The following SLC38A12 variants were observed in gnomAD, a reference collection of about 807,000 sequenced individuals.
The protein encoded by SLC38A12 is solute carrier family 38 member 12.
chr17:74,814,016 G>A, the SLC38A12 span, among the ~76,000 whole-genome samples: 1 of 152,168 alleles, frequency 6.6e-6, no homozygotes, highest in Non-Finnish European at 1.5e-5. Context: ...TTGGTGGGTG[G>A]CGGTGGGTGA....
At chr17:74,806,372 C>T in the SLC38A12 span, among the ~76,000 whole-genome samples, 3 of 152,172 alleles carry the variant, frequency 2.0e-5, no homozygotes, top group Non-Finnish European at 4.4e-5. Flanking sequence ...CAGGCACAGC[C>T]GTCGGGGAGA....
At chr17:74,799,287 G>A in the SLC38A12 span, among the ~76,000 whole-genome samples, 1 of 152,258 alleles carries the variant, frequency 6.6e-6, no homozygotes, top group Non-Finnish European at 1.5e-5. Context: ...TGGCCCGGCA[G>A]GCCCCGGCCG....
the SLC38A12 span, among the ~76,000 whole-genome samples, chr17:74,829,963 C>T: frequency 5.3e-5 from 8 of 152,198 alleles, no homozygotes; most frequent in African/African-American, 1.7e-4. The surrounding 1 kb of genome is among the most constrained non-coding windows in gnomAD (Gnocchi z 4.1). Context: ...GTACCTGCAG[C>T]TCAGCCAGCC....
At chr17:74,792,912 C>T in the SLC38A12 span, among the ~76,000 whole-genome samples, 1 of 152,234 alleles carries the variant, frequency 6.6e-6, no homozygotes, top group Non-Finnish European at 1.5e-5. Context: ...TAAGCGTTTC[C>T]TCCTGGCAGC....
chr17:74,807,611 G>A, the SLC38A12 span, among the ~76,000 whole-genome samples: 3 of 152,310 alleles, frequency 2.0e-5, no homozygotes, highest in East Asian at 1.9e-4. Context: ...CTTCCCCTCC[G>A]CAAGTGCCAG....
chr17:74,777,944 G>A, the SLC38A12 span, among the ~76,000 whole-genome samples: 6 of 152,286 alleles, frequency 3.9e-5, no homozygotes, highest in South Asian at 1.2e-3. Context: ...TCATCTCCAG[G>A]CTACCACACT....
the SLC38A12 span, among the ~76,000 whole-genome samples, chr17:74,794,670 A>C: frequency 6.6e-6 from 1 of 151,678 alleles, no homozygotes; most frequent in African/African-American, 2.4e-5. Flanking sequence ...CAGGCTCCTG[A>C]CTCGGGACAT....
the SLC38A12 span, among the ~76,000 whole-genome samples, chr17:74,829,092 G>T: frequency 1.3e-5 from 2 of 152,176 alleles, no homozygotes; most frequent in Non-Finnish European, 2.9e-5. This position sits in a 1 kb window ranked among gnomAD's most constrained non-coding sequence, Gnocchi z 4.1. Context: ...AAAATGACAA[G>T]TGGGATACTT....
chr17:74,805,597 C>T, the SLC38A12 span, among the ~76,000 whole-genome samples: 1 of 152,208 alleles, frequency 6.6e-6, no homozygotes, highest in African/African-American at 2.4e-5. The surrounding 1 kb of genome is among the most constrained non-coding windows in gnomAD (Gnocchi z 5.0). Flanking sequence ...GCTTGATATG[C>T]CATCTCCCCT....
At chr17:74,838,187 T>C in the SLC38A12 span, 3 of 985,484 alleles carry the variant, frequency 3.0e-6, no homozygotes, top group Middle Eastern at 5.2e-4. Context: ...TCAGCCCGCT[T>C]TCTCTGTGCC....
chr17:74,838,926 A>T, the SLC38A12 span: 1 of 1,535,754 alleles, frequency 6.5e-7, no homozygotes, highest in Non-Finnish European at 8.7e-7. Flanking sequence ...GCAGAAGAGG[A>T]TGCCAGCCCA....
the SLC38A12 span, chr17:74,837,370 C>A: frequency 1.0e-6 from 1 of 985,562 alleles, no homozygotes. Context: ...TGGAGCATCC[C>A]TTCTACAGGG....
At chr17:74,802,392 G>A in the SLC38A12 span, among the ~76,000 whole-genome samples, 1 of 152,206 alleles carries the variant, frequency 6.6e-6, no homozygotes, top group African/African-American at 2.4e-5. Context: ...CAAAGCAGCA[G>A]GCAGTGGCTT....
At chr17:74,777,002 A>G in the SLC38A12 span, among the ~76,000 whole-genome samples, 1 of 152,188 alleles carries the variant, frequency 6.6e-6, no homozygotes. Context: ...GGCCCCTTAA[A>G]TCACTTGCAC....
At chr17:74,837,016 C>T in the SLC38A12 span, 2 of 1,126,016 alleles carry the variant, frequency 1.8e-6, no homozygotes. Context: ...CCAGGGCGGG[C>T]TACTCCCTGC....
At chr17:74,830,103 C>T in the SLC38A12 span, among the ~76,000 whole-genome samples, 3 of 151,844 alleles carry the variant, frequency 2.0e-5, no homozygotes, top group African/African-American at 7.3e-5. Flanking sequence ...TAGGACTCCC[C>T]GAACATGAGC....
At chr17:74,835,929 T>C in the SLC38A12 span, 1 of 1,597,374 alleles carries the variant, frequency 6.3e-7, no homozygotes, top group South Asian at 1.1e-5. Context: ...TTTCCCAGCT[T>C]TCGCCGTCAT....
the SLC38A12 span, among the ~76,000 whole-genome samples, chr17:74,807,621 G>A: frequency 1.3e-5 from 2 of 152,238 alleles, no homozygotes. Context: ...GCAAGTGCCA[G>A]AGCACTTCTG....
the SLC38A12 span, among the ~76,000 whole-genome samples, chr17:74,828,038 C>T: frequency 6.6e-6 from 1 of 152,224 alleles, no homozygotes; most frequent in Non-Finnish European, 1.5e-5. Flanking sequence ...GGTGCCTGAG[C>T]TGGTGATGGG....
Sources: allele counts gnomAD v4.1 joint callset (sites outside exome capture counted in the v4.1 genomes callset), GRCh38; gene constraint gnomAD v4.1.1; non-coding constraint Gnocchi (gnomAD v3.1); transcripts MANE v1.5; gene names NCBI Gene and HGNC (gene_info 2026-07-23, HGNC 2026-07-21).